Variants in FSD1L observed in about 807,000 individuals in gnomAD.
FSD1L encodes FSD1-like protein.
A neutral mutation model predicts 71.6 loss-of-function variants in FSD1L; 45 were observed. That is an observed-to-expected ratio of 0.63 (90% CI 0.49 to 0.81). The LOEUF (loss-of-function observed/expected upper bound fraction) is 0.81, where lower values mean the gene tolerates loss of function less well. FSD1L is among the 30% of genes least tolerant of loss of function. The pLI is 0.00. For missense variants in FSD1L, 561 were observed against 618.1 expected, an observed-to-expected ratio of 0.91 and a Z score of 0.98; for synonymous variants, 197 against 207.2, an observed-to-expected ratio of 0.95 and a Z score of 0.42.
chr9:105,511,965 C>A (rs1227223040), intron 9 of FSD1L, among the ~76,000 whole-genome samples: 1 of 151,992 alleles, frequency 6.6e-6, no homozygotes, highest in East Asian at 1.9e-4. Context: ...TAGTTAGTAA[C>A]TGTGTAATAG....
chr9:105,521,446 G>T (rs7034475), intron 10 of FSD1L: 167 of 1,613,590 alleles, frequency 1.0e-4, no homozygotes, highest in Non-Finnish European at 1.3e-4. Context: ...GAAATAGTTC[G>T]CAGAGTTTTT....
At chr9:105,506,886 C>A (rs1047903465) in intron 8 of FSD1L, among the ~76,000 whole-genome samples, 2 of 151,994 alleles carry the variant, frequency 1.3e-5, no homozygotes, top group Admixed American at 1.3e-4. Flanking sequence ...ATTCTCCCAC[C>A]TCAGCTTCCT....
Position 105,539,373 on chromosome 9 carries a change from T to A in FSD1L, c.1467+22T>A, listed in dbSNP as rs759716168. 7 of 1,058,816 alleles carry A rather than the reference T, an allele frequency of 6.6e-6. No homozygotes were observed. In the South Asian group the frequency reaches 1.1e-4, roughly 17 times the overall value. 65.6% of individuals were successfully genotyped at this position (1,058,816 alleles called of 1,614,324 possible). The stretch of plus-strand genomic sequence containing the variant: ...CATGGTTAGTATGTTTTATATCTTA[T>A]ATATACCTAACATATTTTACTTGGT... On this transcript the variant is annotated intron_variant, in intron 13 of 13. Coordinates refer to ENST00000481272, the MANE Select transcript of FSD1L (RefSeq NM_001145313.3).
chr9:105,477,375 A>G (rs12686332), intron 5 of FSD1L, among the ~76,000 whole-genome samples: 1 of 152,214 alleles, frequency 6.6e-6, no homozygotes, highest in African/African-American at 2.4e-5. Context: ...CTAGAATTAG[A>G]CAGACAAATT....
chr9:105,511,192 ATT>A (rs199727073), intron 9 of FSD1L, among the ~76,000 whole-genome samples: 59 of 143,838 alleles, frequency 4.1e-4, no homozygotes, highest in African/African-American at 1.3e-3. Context: ...GGTACTATCT[ATT>A]TTTTTTTTTT....
intron 7 of FSD1L, among the ~76,000 whole-genome samples, chr9:105,495,715 G>A (rs761530029): frequency 2.0e-4 from 31 of 152,288 alleles, no homozygotes; most frequent in African/African-American, 6.0e-4. Flanking sequence ...GGTGGCTCAC[G>A]CCTGTAACCC....
Position 105,448,219 on chromosome 9 carries a change from C to G in FSD1L, c.-2C>G. On this transcript the variant is annotated 5_prime_UTR_variant, in exon 1 of 14. Coordinates refer to ENST00000481272, the MANE Select transcript of FSD1L (RefSeq NM_001145313.3). Reference sequence around the variant, plus strand: ...CGAGCCCAGTGGGCTTAGCCACTCGCCATGGACTCCCAGAAAGTAAGCGGG... The same window carrying G: ...CGAGCCCAGTGGGCTTAGCCACTCGGCATGGACTCCCAGAAAGTAAGCGGG... 3 of 1,539,608 alleles carry G rather than the reference C, an allele frequency of 1.9e-6. No homozygotes were observed. The highest frequency in any genetic ancestry group is 2.6e-6 in the Non-Finnish European group (3 of 1,141,342).
chr9:105,459,250 A>C (rs1272651982), intron 1 of FSD1L, among the ~76,000 whole-genome samples: 1 of 152,180 alleles, frequency 6.6e-6, no homozygotes, highest in Non-Finnish European at 1.5e-5. Context: ...TAGTTTTCAT[A>C]TGTTTTGGTG....
chr9:105,470,720 T>C (rs1831398626), intron 4 of FSD1L, among the ~76,000 whole-genome samples: 1 of 152,188 alleles, frequency 6.6e-6, no homozygotes, highest in African/African-American at 2.4e-5. Flanking sequence ...AGTGTGTCCA[T>C]ACTACCCAGG....
rs559473651 is a variant in FSD1L at position 105,507,999 on chromosome 9, C to G, written c.797-618C>G. The stretch of plus-strand genomic sequence containing the variant: ...CTCTGCCTCCCAGGTCCAAGTGATT[C>G]TCCTGTCTCAGCCTCTTGAGTAGCC... On this transcript the variant is annotated intron_variant, in intron 8 of 13. Transcript: ENST00000481272. Among the ~76,000 whole-genome samples the G allele has an allele frequency of 8.0e-5, 12 of 149,672 alleles. No homozygotes were observed. In the East Asian group the frequency reaches 1.8e-3, roughly 22 times the overall value.
chr9:105,531,353 T>G (rs535126871), intron 10 of FSD1L, among the ~76,000 whole-genome samples: 2 of 152,350 alleles, frequency 1.3e-5, no homozygotes, highest in Middle Eastern at 6.8e-3. Flanking sequence ...CTCCTCTCCT[T>G]TCATTTCATT....
intron 9 of FSD1L, among the ~76,000 whole-genome samples, chr9:105,512,309 T>C (rs755892228): frequency 6.6e-6 from 1 of 152,110 alleles, no homozygotes; most frequent in Non-Finnish European, 1.5e-5. Flanking sequence ...CGGCCTCAGT[T>C]TCTCTATGTT....
chr9:105,487,446 A>G (rs1832625620), intron 7 of FSD1L, among the ~76,000 whole-genome samples: 1 of 151,618 alleles, frequency 6.6e-6, no homozygotes, highest in East Asian at 1.9e-4. Context: ...TCCTATTCTA[A>G]TAGGTGACAA....
chr9:105,493,335 T>C (rs1166884408), intron 7 of FSD1L, among the ~76,000 whole-genome samples: 1 of 152,140 alleles, frequency 6.6e-6, no homozygotes, highest in African/African-American at 2.4e-5. Context: ...CTGCCTTTTT[T>C]AGTTTTCCAT....
Position 105,500,985 on chromosome 9 carries a change from C to T in FSD1L, c.587-5414C>T, listed in dbSNP as rs777629020. 5.3e-5 allele frequency among the ~76,000 whole-genome samples: 8 copies of T among 152,128 alleles called. No homozygotes were observed. The South Asian group carries it at 6.2e-4, about 12-fold the overall frequency. On this transcript the variant is annotated intron_variant, in intron 7 of 13. Coordinates refer to ENST00000481272, the MANE Select transcript of FSD1L (RefSeq NM_001145313.3). ...AACTCTTCCCATCACTAAAATAATTCGGTAAGAAGCTTGACAATAACTTGA... is the reference window on the plus strand; with the variant it reads ...AACTCTTCCCATCACTAAAATAATTTGGTAAGAAGCTTGACAATAACTTGA...
intron 6 of FSD1L, among the ~76,000 whole-genome samples, chr9:105,481,940 T>C (rs991104091): frequency 3.3e-5 from 5 of 151,990 alleles, no homozygotes; most frequent in African/African-American, 1.2e-4. Context: ...GCCCCGTTAA[T>C]TTTTTTGTAT....
At chr9:105,496,133 A>T (rs531800945) in intron 7 of FSD1L, among the ~76,000 whole-genome samples, 3 of 151,544 alleles carry the variant, frequency 2.0e-5, no homozygotes, top group Non-Finnish European at 4.4e-5. Context: ...TTCTTTCATG[A>T]AGCTTGCCTT....
chr9:105,523,333 C>A, intron 10 of FSD1L: 1 of 1,593,044 alleles, frequency 6.3e-7, no homozygotes, highest in Non-Finnish European at 8.6e-7. Context: ...CTCCACCACG[C>A]TGTTCTTCAG....
At chr9:105,475,289 TGG>T (rs1292018928) in intron 5 of FSD1L, among the ~76,000 whole-genome samples, 1 of 152,164 alleles carries the variant, frequency 6.6e-6, no homozygotes, top group African/African-American at 2.4e-5. Context: ...GTCCCTATAA[TGG>T]AATAAAAAGT....
Sources: gnomAD v4.1 joint callset for allele counts (sites outside exome capture counted in the v4.1 genomes callset) on GRCh38, gnomAD v4.1.1 for gene constraint, MANE v1.5 for transcripts, NCBI Gene and HGNC (gene_info 2026-07-23, HGNC 2026-07-21) for gene names.